The following RIT2 variants were observed in gnomAD, a reference collection of about 807,000 sequenced individuals.
RIT2 encodes the protein GTP-binding protein Rit2.
RIT2 carries 24 observed loss-of-function variants against 23.7 expected under a neutral mutation model. The ratio of observed to expected loss-of-function variants is 1.01; its 90% CI spans 0.73 to 1.43. The LOEUF is 1.43. RIT2 is among the 40% of genes most tolerant of loss of function. RIT2 has a pLI of 0.00. For synonymous variants in RIT2, 107 were observed against 91.1 expected, an observed-to-expected ratio of 1.17 and a Z score of -0.99; for missense variants, 236 against 266.9, an observed-to-expected ratio of 0.88 and a Z score of 0.81.
intron 1 of RIT2, among the ~76,000 whole-genome samples, chr18:43,086,938 T>G (rs1913296603): frequency 6.6e-6 from 1 of 152,118 alleles, no homozygotes; most frequent in Non-Finnish European, 1.5e-5. Flanking sequence ...CAACAGGTGG[T>G]GCAACTGCTG....
At chr18:42,799,788 T>C (rs774835633) in intron 4 of RIT2, among the ~76,000 whole-genome samples, 35 of 152,190 alleles carry the variant, frequency 2.3e-4, no homozygotes, top group Non-Finnish European at 4.3e-4. Flanking sequence ...GTACTTAAGT[T>C]CCCTGATCCT....
intron 4 of RIT2, among the ~76,000 whole-genome samples, chr18:42,808,217 TGAG>T (rs1905738967): frequency 6.6e-6 from 1 of 152,178 alleles, no homozygotes; most frequent in South Asian, 2.1e-4. Flanking sequence ...GAGTTACTGC[TGAG>T]AAGAACTAAA....
chr18:42,882,449 C>A (rs1186581009), intron 4 of RIT2, among the ~76,000 whole-genome samples: 1 of 152,188 alleles, frequency 6.6e-6, no homozygotes, highest in South Asian at 2.1e-4. Flanking sequence ...TGTCCATATG[C>A]TTTAAAGACT....
intron 4 of RIT2, among the ~76,000 whole-genome samples, chr18:42,869,396 A>T (rs1410606132): frequency 6.6e-6 from 1 of 152,236 alleles, no homozygotes; most frequent in East Asian, 1.9e-4. Context: ...GCCACGGATC[A>T]GTACAGGTCC....
intron 4 of RIT2, among the ~76,000 whole-genome samples, chr18:42,788,258 G>A (rs1003649747): frequency 4.6e-5 from 7 of 151,986 alleles, no homozygotes; most frequent in African/African-American, 9.7e-5. Context: ...TAAAATATAC[G>A]GAGAAAATCT....
At chr18:42,892,939 C>T (rs146687014) in intron 4 of RIT2, among the ~76,000 whole-genome samples, 194 of 152,268 alleles carry the variant, frequency 1.3e-3, no homozygotes, top group African/African-American at 4.4e-3. Flanking sequence ...ACCTCAACCT[C>T]TATCCAGCTT....
intron 4 of RIT2, among the ~76,000 whole-genome samples, chr18:42,813,767 G>A (rs1598664673): frequency 6.6e-6 from 1 of 152,172 alleles, no homozygotes; most frequent in African/African-American, 2.4e-5. Flanking sequence ...GCATGTGGAG[G>A]CTTGCGTCAT....
At chr18:42,857,602 T>G (rs186260774) in intron 4 of RIT2, among the ~76,000 whole-genome samples, 17 of 152,346 alleles carry the variant, frequency 1.1e-4, no homozygotes, top group African/African-American at 4.1e-4. Context: ...TGGTGTCATT[T>G]ACAACTACAT....
chr18:43,088,394 C>CT (rs1403555661), intron 1 of RIT2, among the ~76,000 whole-genome samples: 1 of 152,074 alleles, frequency 6.6e-6, no homozygotes, highest in Non-Finnish European at 1.5e-5. Context: ...TTAGTAAAAA[C>CT]TTGAAGCCAA....
chr18:43,114,502 C>G (rs1239667629), intron 1 of RIT2, among the ~76,000 whole-genome samples: 1 of 152,008 alleles, frequency 6.6e-6, no homozygotes. Context: ...TTTGTCCATG[C>G]TAACTATAAT....
intron 1 of RIT2, among the ~76,000 whole-genome samples, chr18:43,036,217 G>T (rs1047903504): frequency 6.6e-6 from 1 of 152,168 alleles, no homozygotes; most frequent in Non-Finnish European, 1.5e-5. Flanking sequence ...AAATGAATCA[G>T]TCAGGGACTT....
intron 2 of RIT2, among the ~76,000 whole-genome samples, chr18:42,997,192 T>C (rs1262934892): frequency 6.6e-6 from 1 of 152,112 alleles, no homozygotes; most frequent in Non-Finnish European, 1.5e-5. Context: ...ATGTAGAAAA[T>C]GTCTTCCACA....
rs1421745803 is a variant in RIT2 at position 42,907,757 on chromosome 18, G to A, written c.426+15815C>T. Among the ~76,000 whole-genome samples the A allele has an allele frequency of 2.1e-5, 3 of 145,940 alleles. No homozygotes were observed. In the East Asian group the frequency reaches 5.8e-4, roughly 28 times the overall value. On this transcript the variant is annotated intron_variant, in intron 4 of 4. Transcript: ENST00000326695. ...GTGCTTTGGGAGGCCAAGGCAGGAG[G>A]ATTCTTGGAGGCCAGGGGTTCCAGA...
At chr18:42,995,668 C>A (rs1910965177) in intron 2 of RIT2, among the ~76,000 whole-genome samples, 1 of 152,208 alleles carries the variant, frequency 6.6e-6, no homozygotes, top group African/African-American at 2.4e-5. Flanking sequence ...CAGCCACCAA[C>A]TTAAAAAGGA....
chr18:42,892,460 C>T (rs1908206160), intron 4 of RIT2, among the ~76,000 whole-genome samples: 1 of 152,180 alleles, frequency 6.6e-6, no homozygotes, highest in African/African-American at 2.4e-5. Flanking sequence ...TAGCTTGATA[C>T]TTCAGGGGAA....
chr18:42,874,338 G>T (rs1034331928), intron 4 of RIT2, among the ~76,000 whole-genome samples: 2 of 152,064 alleles, frequency 1.3e-5, no homozygotes, highest in Non-Finnish European at 2.9e-5. Context: ...TGAGGTCTAT[G>T]TAAAAGAAGT....
intron 4 of RIT2, among the ~76,000 whole-genome samples, chr18:42,798,266 C>A (rs1198901852): frequency 6.6e-6 from 1 of 152,110 alleles, no homozygotes; most frequent in Non-Finnish European, 1.5e-5. Flanking sequence ...AAGAAGTTTT[C>A]ATTCAGATCC....
intron 4 of RIT2, among the ~76,000 whole-genome samples, chr18:42,777,497 A>T (rs1913701930): frequency 6.6e-6 from 1 of 152,152 alleles, no homozygotes; most frequent in East Asian, 1.9e-4. Flanking sequence ...AACCGGGGAA[A>T]TGTGGAATCC....
intron 4 of RIT2, among the ~76,000 whole-genome samples, chr18:42,847,806 A>C (rs1442101424): frequency 6.6e-6 from 1 of 151,918 alleles, no homozygotes; most frequent in Non-Finnish European, 1.5e-5. Context: ...ATTTTAAAAA[A>C]TATAAGTTAA....
Sources: allele counts gnomAD v4.1 joint callset (sites outside exome capture counted in the v4.1 genomes callset), GRCh38; gene constraint gnomAD v4.1.1; transcripts MANE v1.5; gene names NCBI Gene and HGNC (gene_info 2026-07-23, HGNC 2026-07-21).